Variants in RBBP8NL observed in about 807,000 individuals in gnomAD.
The protein encoded by RBBP8NL is RBBP8 N-terminal like, also known as RBBP8 N-terminal-like protein.
Under a neutral mutation model 62.2 loss-of-function variants are expected in RBBP8NL, and 59 were observed. The ratio of observed to expected loss-of-function variants is 0.95; its 90% confidence interval spans 0.77 to 1.18. The LOEUF (loss-of-function observed/expected upper bound fraction) is 1.18. Among genes scored for constraint, RBBP8NL ranks in the 50% most tolerant of loss-of-function variants. RBBP8NL has a pLI of 0.00. For synonymous variants in RBBP8NL, 412 were observed against 394.1 expected (o/e 1.05, Z -0.54); for missense variants, 896 against 899.5 (o/e 1.00, Z 0.05).
At chr20:62,417,462 C>T in intron 3 of RBBP8NL, 143 bp from the exon 4 acceptor site, 1 of 608,896 alleles carries the variant, frequency 1.6e-6, no homozygotes. Context: ...GCCCCCCTCC[C>T]AGTCATCTGC....
At position 62,415,110 on chromosome 20, in the gene RBBP8NL, C is replaced by G. The variant is rs1343448030; in HGVS notation, c.794+11G>C. On this transcript the variant is annotated intron_variant, in intron 9 of 13. Coordinates refer to ENST00000252998, the MANE Select transcript of RBBP8NL (RefSeq NM_080833.3). ...GAGGCTACTCTGGGTGAGGGTGGGG[C>G]AGGCGGGCACCTGTCCAGGGAGAGG... is the stretch of plus-strand genomic sequence containing the variant. The G allele has an allele frequency of 6.9e-6, 10 of 1,456,754 alleles. No homozygotes were observed. Among genetic ancestry groups the G allele is most frequent in the African/African-American group, 1.4e-5 (1 of 69,648 alleles). The allele number at this position is 1,456,754 out of a possible 1,614,324, so 90.2% of individuals were successfully genotyped here. A position where few individuals can be genotyped will look rare whatever the true frequency, so the allele number is the denominator to read the frequency against.
In RBBP8NL at chr20:62,414,128, G is replaced by A. The variant is rs763313594; in HGVS notation, c.1223C>T (p.Ala408Val). Residue 408 changes from alanine to valine, a missense_variant, in exon 10 of 14, where the codon GCA (alanine) becomes GTA (valine). By Grantham distance (64) the Ala-to-Val change is moderately conservative (BLOSUM62 0). Transcript: ENST00000252998. Reference sequence around the variant, plus strand: ...GTGCCGCCCTCCAGACAGGCCTGCTGCGGCCAGAGCTGCCCTGGTCCCCTC... The same window carrying A: ...GTGCCGCCCTCCAGACAGGCCTGCTACGGCCAGAGCTGCCCTGGTCCCCTC... ...ENEGTRAALA[A>V]AGLSGGRHTQ... The A allele has an allele frequency of 6.3e-7, 1 of 1,598,538 alleles. No homozygotes were observed.
chr20:62,413,916 T>C lies in RBBP8NL; in HGVS notation c.1435A>G (p.Thr479Ala). 1 of 1,592,372 alleles carries C rather than the reference T, an allele frequency of 6.3e-7. No homozygotes were observed. Among genetic ancestry groups the C allele is most frequent in the Non-Finnish European group, 8.5e-7 (1 of 1,170,400 alleles). ...AAHTASPEPP[T>A]QSGPLTRSPQ... The stretch of plus-strand genomic sequence containing the variant: ...CTGCGAGTCAGGGGTCCGGACTGGG[T>C]GGGTGGCTCGGGGCTGGCAGTGTGG... Residue 479 changes from threonine (T) to alanine (A), a missense_variant, in exon 10 of 14, where the codon ACC (threonine) becomes GCC (alanine). Physicochemically the swap from Thr to Ala is moderately conservative, Grantham distance 58 (BLOSUM62 0). Transcript: ENST00000252998.
chr20:62,421,845 GCATGTGTGTGTGC>G (rs1342802786), intron 1 of RBBP8NL, among the ~76,000 whole-genome samples: 1 of 151,324 alleles, frequency 6.6e-6, no homozygotes, highest in Admixed American at 6.6e-5. Flanking sequence ...GAGCCAGTGT[GCATGTGTGTGTGC>G]CATGTGTGTG....
chr20:62,416,694 T>G, intron 5 of RBBP8NL, 66 bp downstream of exon 5: 1 of 1,134,788 alleles, frequency 8.8e-7, no homozygotes, highest in Non-Finnish European at 1.3e-6. Context: ...CTACATGGGC[T>G]GAACAGGCCT....
In RBBP8NL at chr20:62,413,989, G is replaced by A. The variant is rs1988498224; in HGVS notation, c.1362C>T (p.Asp454=). Residue 454 remains aspartate, a synonymous_variant, in exon 10 of 14, where the codon GAC becomes GAT. Transcript: ENST00000252998. ...LSEWGRARGQ[D]TPKPAGQHGS... The stretch of plus-strand genomic sequence containing the variant: ...CATGCTGGCCGGCCGGCTTGGGAGT[G>A]TCCTGGCCCCGGGCCCGGCCCCACT... 1.9e-6 allele frequency: 3 copies of A among 1,570,746 alleles called. 1 individual carries two copies. Among genetic ancestry groups the A allele is most frequent in the East Asian group, 4.7e-5 (2 of 42,526 alleles).
intron 9 of RBBP8NL, 48 bp from the exon 10 acceptor site, chr20:62,414,604 C>T (rs1032353869): frequency 2.9e-6 from 4 of 1,384,330 alleles, no homozygotes; most frequent in Non-Finnish European, 2.8e-6. Flanking sequence ...GGAGCCGTGA[C>T]CGTCCCAGCG....
intron 11 of RBBP8NL, among the ~76,000 whole-genome samples, 184 bp from the exon 12 acceptor site, chr20:62,413,084 T>C (rs1388796571): frequency 6.6e-6 from 1 of 152,254 alleles, no homozygotes; most frequent in African/African-American, 2.4e-5. Context: ...AGGCCTAGTG[T>C]CCCCATCAGT....
rs1988632135 is a variant in RBBP8NL, at chr20:62,418,559, G to A, written c.62-94C>T. ...GGGGTCTGGGCAGAGCTGCAATGTG[G>A]CACTCCTGTCCCCTGCACCCCCTGG... is the stretch of plus-strand genomic sequence containing the variant. On this transcript the variant is annotated intron_variant, in intron 2 of 13. Transcript: ENST00000252998. 3 of 1,255,768 alleles carry A rather than the reference G, an allele frequency of 2.4e-6. No homozygotes were observed. The African/African-American group carries it at 4.4e-5, about 19-fold the overall frequency. The allele number at this position is 1,255,768 out of a possible 1,614,324, so 77.8% of individuals were successfully genotyped here.
chr20:62,417,072 T>A, intron 4 of RBBP8NL, 152 bp downstream of exon 4: 1 of 708,878 alleles, frequency 1.4e-6, no homozygotes, highest in South Asian at 1.9e-5. Context: ...TGCAATTTCC[T>A]TAAGGCTCTG....
At chr20:62,420,295 T>C (rs1050592724) in intron 1 of RBBP8NL, among the ~76,000 whole-genome samples, 3 of 151,534 alleles carry the variant, frequency 2.0e-5, no homozygotes, top group African/African-American at 7.3e-5. Context: ...CTCAGTTCCC[T>C]CCTGGGATCT....
At position 62,413,467 on chromosome 20, in the gene RBBP8NL, GCCTC is replaced by G; in HGVS notation, c.1605_1608del (p.Arg536LeufsTer30). On this transcript the variant is annotated frameshift_variant, in exon 11 of 14. Coordinates refer to ENST00000252998, the MANE Select transcript of RBBP8NL (RefSeq NM_080833.3). LOFTEE classifies it high-confidence loss of function. ...GGCTGTGGGTGGGGAGGTGGCAGAG[GCCTC>G]CCTGTGTCTTCATCTTCTGTACTGC... 6.8e-7 allele frequency: 1 copy of G among 1,481,202 alleles called. No individual in the cohort carries two copies. The highest frequency in any genetic ancestry group is 8.9e-7 in the Non-Finnish European group (1 of 1,120,474). The allele number at this position is 1,481,202 out of a possible 1,614,324, so 91.8% of individuals were successfully genotyped here.
At position 62,413,922 on chromosome 20, in the gene RBBP8NL, G is replaced by A. The variant is rs756186645; in HGVS notation, c.1429C>T (p.Pro477Ser). The change falls in exon 10 of 14, where the codon CCA (proline) becomes TCA (serine). Residue 477 changes from proline to serine, a missense_variant. Pro to Ser is a moderately conservative substitution (Grantham distance 74, BLOSUM62 -1). Coordinates refer to ENST00000252998, the MANE Select transcript of RBBP8NL (RefSeq NM_080833.3). ...PAAAHTASPE[P>S]PTQSGPLTRS... ...GTCAGGGGTCCGGACTGGGTGGGTG[G>A]CTCGGGGCTGGCAGTGTGGGCAGCG... is the stretch of plus-strand genomic sequence containing the variant. The A allele has an allele frequency of 5.0e-6, 8 of 1,591,278 alleles. No homozygotes were observed. The East Asian group carries it at 1.4e-4, about 27-fold the overall frequency.
rs372136065 is a variant in RBBP8NL at position 62,416,180 on chromosome 20, G to A, written c.370C>T (p.Arg124Trp). The part of the protein sequence containing the change: ...ENETLKEEVK[R>W]LRGLGDRPKP... ...CCCACTCACCCCAGGCCCCGAAGCCGCTTCACCTCCTCCTTCAAGGTCTCG... is the reference window on the plus strand; with the variant it reads ...CCCACTCACCCCAGGCCCCGAAGCCACTTCACCTCCTCCTTCAAGGTCTCG... Residue 124 changes from arginine (R) to tryptophan (W), a missense_variant, in exon 6 of 14, where the codon CGG becomes TGG. Coordinates refer to ENST00000252998, the MANE Select transcript of RBBP8NL (RefSeq NM_080833.3). 2.3e-5 allele frequency: 37 copies of A among 1,612,386 alleles called. No individual in the cohort carries two copies. The highest frequency in any genetic ancestry group is 8.8e-5 in the South Asian group (8 of 90,746).
At chr20:62,422,036 C>A (rs1988712481) in intron 1 of RBBP8NL, among the ~76,000 whole-genome samples, 1 of 152,198 alleles carries the variant, frequency 6.6e-6, no homozygotes, top group Non-Finnish European at 1.5e-5. Flanking sequence ...CCCCTGCCTC[C>A]CCCCATCTCT....
At chr20:62,416,893 G>C (rs1261159037) in intron 4 of RBBP8NL, 21 bp from the exon 5 acceptor site, 10 of 1,517,332 alleles carry the variant, frequency 6.6e-6, no homozygotes, top group East Asian at 2.4e-5. Flanking sequence ...GGGGACGCAG[G>C]GGGTGTGAGG....
At chr20:62,419,081 T>A (rs58276540) in intron 2 of RBBP8NL, among the ~76,000 whole-genome samples, 3,544 of 152,148 alleles carry the variant, frequency 0.023, 120 homozygotes, top group African/African-American at 0.075. Flanking sequence ...CTGGGGCGTG[T>A]CCTAGAAGGA....
At chr20:62,417,089 C>A in intron 4 of RBBP8NL, 135 bp downstream of exon 4, 1 of 734,458 alleles carries the variant, frequency 1.4e-6, no homozygotes, top group Non-Finnish European at 2.2e-6. Flanking sequence ...TCTGAGATGT[C>A]CTGCAGTGGG....
chr20:62,415,775 G>T lies in RBBP8NL; in HGVS notation c.544+13C>A, dbSNP rs115025458. Reference sequence around the variant, plus strand: ...GGGCCCAGCCTCCCAGCCTCACCCGGTCCCCACAGCACCTTCTCCCCGTAG... The same window carrying T: ...GGGCCCAGCCTCCCAGCCTCACCCGTTCCCCACAGCACCTTCTCCCCGTAG... On this transcript the variant is annotated intron_variant, in intron 7 of 13. Transcript: ENST00000252998. The T allele has an allele frequency of 2.1e-3, 3,452 of 1,611,376 alleles. 39 individuals carry two copies. In the African/African-American group the frequency reaches 0.032, roughly 15 times the overall value.
Sources: allele counts gnomAD v4.1 joint callset (sites outside exome capture counted in the v4.1 genomes callset), GRCh38; gene constraint gnomAD v4.1.1; transcripts MANE v1.5; gene names NCBI Gene and HGNC (gene_info 2026-07-23, HGNC 2026-07-21).